PATJ: variants seen among roughly 807,000 people sequenced by gnomAD.
PATJ encodes the protein PATJ crumbs cell polarity complex component, also known as inaD-like protein.
In PATJ, 190 loss-of-function variants were observed where a neutral mutation model predicts 224.9. The ratio of observed to expected loss-of-function variants is 0.84; its 90% CI spans 0.75 to 0.95. PATJ has a LOEUF of 0.95. PATJ is among the 40% of genes least tolerant of loss of function. PATJ has a pLI of 0.00. For missense variants in PATJ, 2,121 were observed against 2,270.3 expected (o/e 0.93, Z 1.34); for synonymous variants, 769 against 820.3 (o/e 0.94, Z 1.07).
chr1:61,744,212 A>C (rs965623853), intron 1 of PATJ, among the ~76,000 whole-genome samples: 7 of 134,530 alleles, frequency 5.2e-5, no homozygotes, highest in Middle Eastern at 4.3e-3. Context: ...TGAGCCCAGG[A>C]GATGGAGGCT....
At chr1:61,802,673 A>G (rs542920445) in intron 12 of PATJ, among the ~76,000 whole-genome samples, 1 of 152,326 alleles carries the variant, frequency 6.6e-6, no homozygotes, top group Non-Finnish European at 1.5e-5. Flanking sequence ...TTATTATAAA[A>G]ATTAATAATG....
At chr1:61,821,886 T>A (rs1657338281) in intron 14 of PATJ, among the ~76,000 whole-genome samples, 1 of 152,200 alleles carries the variant, frequency 6.6e-6, no homozygotes, top group Non-Finnish European at 1.5e-5. Context: ...CCTTGACTGT[T>A]ACAACCAACA....
At chr1:62,127,417 ATT>A (rs35360255) in intron 39 of PATJ, among the ~76,000 whole-genome samples, 2,410 of 146,302 alleles carry the variant, frequency 0.016, 67 homozygotes, top group African/African-American at 0.057. Flanking sequence ...TTGGTAAGGA[ATT>A]TTTTTTTTTT....
At chr1:61,759,990 A>T (rs1045972339) in intron 1 of PATJ, among the ~76,000 whole-genome samples, 1 of 152,138 alleles carries the variant, frequency 6.6e-6, no homozygotes, top group African/African-American at 2.4e-5. Flanking sequence ...ATGTCATCTT[A>T]TTGTTTTAGT....
chr1:62,023,158 C>T (rs1349906393), intron 29 of PATJ, among the ~76,000 whole-genome samples: 3 of 152,042 alleles, frequency 2.0e-5, no homozygotes, highest in East Asian at 1.9e-4. Context: ...GGCGTGGTGG[C>T]GGGTGCCTGT....
intron 41 of PATJ, among the ~76,000 whole-genome samples, chr1:62,147,898 G>C (rs57653889): frequency 1.3e-5 from 2 of 151,768 alleles, no homozygotes; most frequent in African/African-American, 2.4e-5. Flanking sequence ...GGGAGGCAGA[G>C]TTTGCAGTGA....
intron 20 of PATJ, among the ~76,000 whole-genome samples, chr1:61,871,378 A>G (rs1368894921): frequency 5.7e-5 from 2 of 35,200 alleles, no homozygotes; most frequent in Admixed American, 3.8e-4. Context: ...TGCCTGGATA[A>G]TTTTTTGTGT....
intron 1 of PATJ, among the ~76,000 whole-genome samples, chr1:61,761,038 G>T (rs775204199): frequency 2.0e-5 from 3 of 152,076 alleles, no homozygotes; most frequent in Non-Finnish European, 4.4e-5. Flanking sequence ...GAGTGCAGTG[G>T]CATGATCATG....
intron 40 of PATJ, chr1:62,128,375 T>C (rs1665938421): frequency 3.0e-6 from 1 of 336,986 alleles, no homozygotes; most frequent in African/African-American, 2.1e-5. Context: ...CCACCCAAAA[T>C]CAGCTCTCAA....
At chr1:61,768,329 G>T (rs1646406644) in intron 4 of PATJ, among the ~76,000 whole-genome samples, 1 of 152,080 alleles carries the variant, frequency 6.6e-6, no homozygotes, top group Non-Finnish European at 1.5e-5. Context: ...AATTAGCCAG[G>T]CGTGGTGGCT....
chr1:61,975,032 C>T (rs928426560), intron 27 of PATJ, among the ~76,000 whole-genome samples: 4 of 152,104 alleles, frequency 2.6e-5, no homozygotes, highest in South Asian at 2.1e-4. Flanking sequence ...GTGACCTTGA[C>T]CTCTTGGGTT....
At chr1:61,778,959 A>G (rs1647089828) in intron 7 of PATJ, among the ~76,000 whole-genome samples, 1 of 152,168 alleles carries the variant, frequency 6.6e-6, no homozygotes, top group Non-Finnish European at 1.5e-5. Context: ...TCGGCCTCCC[A>G]AAGTGCTAGG....
At chr1:62,071,172 G>A (rs746650310) in intron 31 of PATJ, among the ~76,000 whole-genome samples, 19 of 152,164 alleles carry the variant, frequency 1.2e-4, no homozygotes, top group Non-Finnish European at 2.5e-4. Context: ...ATTTCCTACA[G>A]GAGAAAAGTG....
chr1:62,052,439 T>TAAA (rs554528489), intron 31 of PATJ, among the ~76,000 whole-genome samples: 5 of 111,466 alleles, frequency 4.5e-5, no homozygotes, highest in Non-Finnish European at 1.9e-5. Context: ...AGAGATTGAC[T>TAAA]AAAAAAAAAA....
chr1:61,809,949 G>T (rs953792405), intron 14 of PATJ, among the ~76,000 whole-genome samples: 1 of 150,830 alleles, frequency 6.6e-6, no homozygotes, highest in African/African-American at 2.4e-5. Context: ...GGGTTCAAAC[G>T]ATTCTCCTGC....
intron 7 of PATJ, among the ~76,000 whole-genome samples, 184 bp downstream of exon 7, chr1:61,775,518 C>G (rs74076173): frequency 0.014 from 2,086 of 152,144 alleles, 55 homozygotes; most frequent in African/African-American, 0.048. Context: ...TAAACAGTTC[C>G]TAAATCAACA....
intron 28 of PATJ, among the ~76,000 whole-genome samples, chr1:61,997,784 T>TG (rs1190736897): frequency 1.5e-5 from 2 of 131,314 alleles, no homozygotes; most frequent in Non-Finnish European, 3.2e-5. Context: ...ATGTGTGCGG[T>TG]TTTTTGTTTT....
chr1:61,869,807 G>C (rs1322303446), intron 20 of PATJ, among the ~76,000 whole-genome samples: 1 of 152,230 alleles, frequency 6.6e-6, no homozygotes, highest in African/African-American at 2.4e-5. Flanking sequence ...CACTCACTCA[G>C]ACCTGCAGCG....
At chr1:62,113,591 C>G (rs1287173648) in intron 34 of PATJ, among the ~76,000 whole-genome samples, 5 of 152,140 alleles carry the variant, frequency 3.3e-5, no homozygotes, top group Non-Finnish European at 7.3e-5. Context: ...AGCCAGCATT[C>G]ATGCCACTGC....
Sources: allele counts gnomAD v4.1 joint callset (sites outside exome capture counted in the v4.1 genomes callset), GRCh38; gene constraint gnomAD v4.1.1; transcripts MANE v1.5; gene names NCBI Gene and HGNC (gene_info 2026-07-23, HGNC 2026-07-21).